The following PRKCE variants were observed in gnomAD, a reference collection of about 807,000 sequenced individuals.
The protein encoded by PRKCE is protein kinase C epsilon, also known as protein kinase C epsilon type.
PRKCE carries 16 observed loss-of-function variants against 85.4 expected under a neutral mutation model. The ratio of observed to expected loss-of-function variants is 0.19; its 90% CI spans 0.13 to 0.28. PRKCE has a LOEUF of 0.28. Ranked by LOEUF, PRKCE falls within the 10% of genes least tolerant of loss-of-function variation. The pLI is 1.00. For synonymous variants in PRKCE, 388 were observed against 371.5 expected, an observed-to-expected ratio of 1.04 and a Z score of -0.51; for missense variants, 573 against 975.2, an observed-to-expected ratio of 0.59 and a Z score of 5.49.
At chr2:45,952,857 G>A (rs1168311972) in intron 2 of PRKCE, among the ~76,000 whole-genome samples, 1 of 152,200 alleles carries the variant, frequency 6.6e-6, no homozygotes, top group Non-Finnish European at 1.5e-5. Flanking sequence ...TAGACAACCA[G>A]TGTCTCTTTT....
chr2:45,877,266 G>C (rs928203376), intron 2 of PRKCE, among the ~76,000 whole-genome samples: 7 of 151,986 alleles, frequency 4.6e-5, no homozygotes, highest in African/African-American at 1.7e-4. Flanking sequence ...TTTTATTCTT[G>C]TCTTTTTGTA....
intron 10 of PRKCE, among the ~76,000 whole-genome samples, chr2:46,083,148 G>A (rs749259373): frequency 4.6e-5 from 7 of 152,060 alleles, no homozygotes; most frequent in Non-Finnish European, 7.4e-5. Flanking sequence ...ACAGGGTTTC[G>A]CCATGTTGGC....
At chr2:46,089,502 C>T (rs555256550) in intron 11 of PRKCE, among the ~76,000 whole-genome samples, 160 of 152,324 alleles carry the variant, frequency 1.1e-3, no homozygotes, top group African/African-American at 3.8e-3. Context: ...TCTTCTAAAA[C>T]ACAGACTGGT....
intron 14 of PRKCE, chr2:46,166,850 G>C (rs1367933952): frequency 6.6e-6 from 1 of 152,240 alleles, no homozygotes; most frequent in East Asian, 1.9e-4. Flanking sequence ...AAGTAGCCAG[G>C]CGTGGTGGCA....
chr2:45,862,121 A>T (rs1329274376), intron 2 of PRKCE, among the ~76,000 whole-genome samples: 1 of 151,434 alleles, frequency 6.6e-6, no homozygotes, highest in African/African-American at 2.4e-5. Context: ...TAAAACAATA[A>T]CTGCCCTGGA....
chr2:45,957,530 A>G (rs1701052306), intron 2 of PRKCE, among the ~76,000 whole-genome samples: 1 of 152,214 alleles, frequency 6.6e-6, no homozygotes. Flanking sequence ...TCTACATCTT[A>G]ATCAGTGTTC....
chr2:45,863,449 A>G (rs1056777930), intron 2 of PRKCE, among the ~76,000 whole-genome samples: 3 of 152,028 alleles, frequency 2.0e-5, no homozygotes, highest in Non-Finnish European at 2.9e-5. Context: ...CAGGACCCCA[A>G]ACAGCTCTAC....
Position 46,010,347 on chromosome 2 carries a change from A to T in PRKCE, c.1267A>T (p.Met423Leu). ...VLGKGSFGKV[M>L]LAELKGKDEV... ...GGAGGCAATTGATTGATTGCAGGTC[A>T]TGTTGGCAGAACTCAAGGGCAAAGA... Residue 423 changes from methionine (M) to leucine (L), a missense_variant, in exon 10 of 15, where the codon ATG becomes TTG. Around this residue, in one of 11 missense-constraint regions of PRKCE, gnomAD observed 89 missense variants for 154.1 expected, o/e 0.58. Transcript: ENST00000306156. The T allele has an allele frequency of 3.8e-6, 6 of 1,591,726 alleles. No individual in the cohort carries two copies. The highest frequency in any genetic ancestry group is 4.3e-6 in the Non-Finnish European group (5 of 1,173,970).
At chr2:45,879,894 C>T (rs1694757734) in intron 2 of PRKCE, among the ~76,000 whole-genome samples, 1 of 152,182 alleles carries the variant, frequency 6.6e-6, no homozygotes, top group Non-Finnish European at 1.5e-5. Flanking sequence ...TGTTAAATAT[C>T]CTCCTCCTAC....
chr2:46,127,821 T>TAA (rs1438838607), intron 11 of PRKCE, among the ~76,000 whole-genome samples: 1 of 152,234 alleles, frequency 6.6e-6, no homozygotes, highest in African/African-American at 2.4e-5. Flanking sequence ...AGCTCACAGA[T>TAA]ACAGTAGGCA....
intron 2 of PRKCE, among the ~76,000 whole-genome samples, chr2:45,946,548 C>T (rs1700256938): frequency 6.6e-6 from 1 of 152,164 alleles, no homozygotes; most frequent in Non-Finnish European, 1.5e-5. Context: ...ACAAGGTCAA[C>T]GATGGTGAGA....
At chr2:45,961,794 C>T (rs1395908956) in intron 2 of PRKCE, among the ~76,000 whole-genome samples, 4 of 152,086 alleles carry the variant, frequency 2.6e-5, no homozygotes, top group African/African-American at 9.7e-5. Flanking sequence ...CTCCCGGGTT[C>T]AAGCGATTCT....
intron 14 of PRKCE, among the ~76,000 whole-genome samples, chr2:46,181,123 C>G (rs1163843207): frequency 6.6e-6 from 1 of 152,184 alleles, no homozygotes; most frequent in African/African-American, 2.4e-5. Flanking sequence ...AGTGCCTGCT[C>G]TGTGCGGGAG....
chr2:45,972,503 G>A (rs1702175100), intron 2 of PRKCE, among the ~76,000 whole-genome samples: 1 of 152,020 alleles, frequency 6.6e-6, no homozygotes, highest in Non-Finnish European at 1.5e-5. Flanking sequence ...TGCTTTTGTT[G>A]CCTTTTTGGT....
chr2:46,049,976 T>C (rs1708754354), intron 10 of PRKCE, among the ~76,000 whole-genome samples: 2 of 152,150 alleles, frequency 1.3e-5, no homozygotes, highest in Non-Finnish European at 2.9e-5. Flanking sequence ...ATGGCCAGTG[T>C]AGAAGGCTGG....
At chr2:46,049,441 A>G (rs910989877) in intron 10 of PRKCE, among the ~76,000 whole-genome samples, 7 of 152,164 alleles carry the variant, frequency 4.6e-5, no homozygotes, top group African/African-American at 1.7e-4. Context: ...AGGAGATGGG[A>G]CAACCTATCC....
chr2:45,681,182 G>A (rs560860789), intron 1 of PRKCE, among the ~76,000 whole-genome samples: 19 of 149,978 alleles, frequency 1.3e-4, no homozygotes, highest in East Asian at 4.0e-4. Flanking sequence ...CCAGTCACTC[G>A]GGAGGCTGAG....
chr2:45,779,849 G>A (rs1686046015), intron 1 of PRKCE, among the ~76,000 whole-genome samples: 1 of 152,064 alleles, frequency 6.6e-6, no homozygotes, highest in Non-Finnish European at 1.5e-5. Context: ...ATATATCACA[G>A]TCATCTTTTA....
intron 1 of PRKCE, among the ~76,000 whole-genome samples, chr2:45,703,768 G>T (rs1230563041): frequency 6.6e-6 from 1 of 152,130 alleles, no homozygotes; most frequent in Non-Finnish European, 1.5e-5. Flanking sequence ...GTTTTTAAAA[G>T]ACAATAATTG....
Sources: allele counts gnomAD v4.1 joint callset (sites outside exome capture counted in the v4.1 genomes callset), GRCh38; gene constraint gnomAD v4.1.1; regional missense constraint gnomAD v4.1.1; transcripts MANE v1.5; gene names NCBI Gene and HGNC (gene_info 2026-07-23, HGNC 2026-07-21).